Variants in SLC25A33 observed in about 807,000 individuals in gnomAD.
SLC25A33 encodes the protein solute carrier family 25 member 33.
In SLC25A33, 15 loss-of-function variants were observed where a neutral mutation model predicts 35.5. The ratio of observed to expected loss-of-function variants is 0.42; its 90% CI spans 0.28 to 0.65. The LOEUF (loss-of-function observed/expected upper bound fraction) is 0.65, where lower values mean the gene tolerates loss of function less well. SLC25A33 is among the 30% of genes least tolerant of loss of function. The pLI is 0.20. For missense variants in SLC25A33, 257 were observed against 398.5 expected (o/e 0.64, Z 3.02); for synonymous variants, 136 against 148.7 (o/e 0.91, Z 0.62).
intron 1 of SLC25A33, among the ~76,000 whole-genome samples, chr1:9,545,132 A>C (rs1233019197): frequency 1.3e-5 from 2 of 152,204 alleles, no homozygotes; most frequent in African/African-American, 4.8e-5. Context: ...TAATAAATAC[A>C]AAACTTCAGT....
chr1:9,541,860 C>CTT (rs1221664894), intron 1 of SLC25A33, among the ~76,000 whole-genome samples: 8 of 151,554 alleles, frequency 5.3e-5, no homozygotes, highest in Non-Finnish European at 1.2e-4. Context: ...AGTGCAGTGG[C>CTT]GCCATCTCGG....
chr1:9,557,267 C>T (rs934898219), intron 2 of SLC25A33, among the ~76,000 whole-genome samples: 1 of 152,176 alleles, frequency 6.6e-6, no homozygotes, highest in Non-Finnish European at 1.5e-5. Context: ...TTATTGACAT[C>T]AAAATATAAA....
intron 1 of SLC25A33, among the ~76,000 whole-genome samples, chr1:9,540,082 G>GC (rs1296730278): frequency 2.0e-5 from 3 of 152,024 alleles, no homozygotes; most frequent in African/African-American, 7.2e-5. Context: ...CTGTGGCGCG[G>GC]CCCCCCCTCC....
At chr1:9,540,130 C>A (rs1643055952) in intron 1 of SLC25A33, among the ~76,000 whole-genome samples, 1 of 152,162 alleles carries the variant, frequency 6.6e-6, no homozygotes, top group African/African-American at 2.4e-5. Flanking sequence ...CGAAGCGCAG[C>A]GCCTCAGAGC....
At chr1:9,570,092 A>T (rs1001814302) in intron 3 of SLC25A33, among the ~76,000 whole-genome samples, 166 bp from the exon 4 acceptor site, 10 of 152,166 alleles carry the variant, frequency 6.6e-5, no homozygotes, top group African/African-American at 1.9e-4. Context: ...GAGCTTCCTG[A>T]ACGTGCCTGT....
intron 2 of SLC25A33, among the ~76,000 whole-genome samples, chr1:9,554,345 G>T (rs1214067945): frequency 1.3e-5 from 2 of 150,306 alleles, no homozygotes; most frequent in Non-Finnish European, 3.0e-5. Context: ...ATTTTTAAAA[G>T]AAACAAAATG....
intron 2 of SLC25A33, among the ~76,000 whole-genome samples, chr1:9,565,329 A>G (rs1215529563): frequency 6.6e-6 from 1 of 151,894 alleles, no homozygotes; most frequent in African/African-American, 2.4e-5. Flanking sequence ...ATCCTGGCTA[A>G]CACAGTGAAA....
intron 1 of SLC25A33, among the ~76,000 whole-genome samples, chr1:9,546,983 C>T (rs7411273): frequency 0.24 from 37,061 of 152,128 alleles, 5,461 homozygotes; most frequent in African/African-American, 0.42. Flanking sequence ...CACTAGGACA[C>T]GTACCCCTTG....
chr1:9,541,782 T>C (rs1235098670), intron 1 of SLC25A33, among the ~76,000 whole-genome samples: 1 of 151,916 alleles, frequency 6.6e-6, no homozygotes, highest in Non-Finnish European at 1.5e-5. Flanking sequence ...GACTTACTGT[T>C]TTTAGTGAGG....
intron 2 of SLC25A33, among the ~76,000 whole-genome samples, chr1:9,565,197 G>A (rs917840327): frequency 6.6e-6 from 1 of 152,152 alleles, no homozygotes; most frequent in Non-Finnish European, 1.5e-5. Flanking sequence ...GCACAACAGT[G>A]TGGATGTACT....
intron 2 of SLC25A33, among the ~76,000 whole-genome samples, chr1:9,564,472 G>A (rs1319626490): frequency 6.6e-6 from 1 of 152,038 alleles, no homozygotes; most frequent in Non-Finnish European, 1.5e-5. Flanking sequence ...GTACACCCAT[G>A]TTTATAGCAG....
intron 4 of SLC25A33, 102 bp from the exon 5 acceptor site, chr1:9,573,244 C>T: frequency 1.3e-6 from 1 of 750,358 alleles, no homozygotes; most frequent in Non-Finnish European, 2.1e-6. Flanking sequence ...TTTTATTAGG[C>T]CATTGAAATC....
At chr1:9,580,868 TA>T (rs1163906132) in intron 6 of SLC25A33, among the ~76,000 whole-genome samples, 2 of 99,448 alleles carry the variant, frequency 2.0e-5, no homozygotes, top group African/African-American at 8.4e-5. Flanking sequence ...AAAAAAAAAA[TA>T]ATAATAATAA....
At chr1:9,547,688 T>C (rs374976949) in intron 1 of SLC25A33, among the ~76,000 whole-genome samples, 2 of 152,082 alleles carry the variant, frequency 1.3e-5, no homozygotes, top group African/African-American at 4.8e-5. Flanking sequence ...CCACTAGATA[T>C]GAGTAACCCC....
At chr1:9,565,265 C>G (rs1225924296) in intron 2 of SLC25A33, among the ~76,000 whole-genome samples, 1 of 152,116 alleles carries the variant, frequency 6.6e-6, no homozygotes, top group Non-Finnish European at 1.5e-5. Flanking sequence ...GCCTGTAATC[C>G]CAGCACTTTG....
rs1466943789 is a variant in SLC25A33 at position 9,558,948 on chromosome 1, C to A, written c.236+5143C>A. ...GTGGCCTACTAGGTTCTACACGATTCTCACCCTTCCCATTACTTCTGACTT... is the reference window on the plus strand; with the variant it reads ...GTGGCCTACTAGGTTCTACACGATTATCACCCTTCCCATTACTTCTGACTT... On this transcript the variant is annotated intron_variant, in intron 2 of 6. Transcript: ENST00000302692. Among the ~76,000 whole-genome samples the A allele has an allele frequency of 2.6e-5, 4 of 152,288 alleles. No homozygotes were observed. The South Asian group carries it at 6.2e-4, about 24-fold the overall frequency.
chr1:9,552,076 C>A (rs140276862), intron 1 of SLC25A33, among the ~76,000 whole-genome samples: 6 of 152,058 alleles, frequency 3.9e-5, no homozygotes, highest in Admixed American at 1.3e-4. Context: ...GGTAATATCT[C>A]GATATGAATA....
At chr1:9,549,406 G>A (rs1643229199) in intron 1 of SLC25A33, among the ~76,000 whole-genome samples, 1 of 115,168 alleles carries the variant, frequency 8.7e-6, no homozygotes, top group African/African-American at 3.3e-5. Flanking sequence ...TGAACTGATG[G>A]TGGGATCAAT....
At chr1:9,552,158 A>G (rs1643274977) in intron 1 of SLC25A33, among the ~76,000 whole-genome samples, 1 of 152,230 alleles carries the variant, frequency 6.6e-6, no homozygotes, top group South Asian at 2.1e-4. Context: ...ATGAAAACAC[A>G]GGATTAACTG....
Sources: gnomAD v4.1 joint callset for allele counts (sites outside exome capture counted in the v4.1 genomes callset) on GRCh38, gnomAD v4.1.1 for gene constraint, MANE v1.5 for transcripts, NCBI Gene and HGNC (gene_info 2026-07-23, HGNC 2026-07-21) for gene names.